Variants in SPATA16 observed in about 807,000 individuals in gnomAD.
SPATA16 encodes the protein spermatogenesis associated 16.
Under a neutral mutation model 63.3 loss-of-function variants are expected in SPATA16, and 36 were observed. The observed-to-expected ratio is 0.57, with a 90% CI of 0.44 to 0.75. SPATA16 has a LOEUF of 0.75. SPATA16 is among the 30% of genes least tolerant of loss of function. SPATA16 has a pLI of 0.00. For missense variants in SPATA16, 646 were observed against 679.3 expected, an observed-to-expected ratio of 0.95 and a Z score of 0.54; for synonymous variants, 203 against 216.7, an observed-to-expected ratio of 0.94 and a Z score of 0.56.
At chr3:173,068,709 A>G (rs140378975) in intron 2 of SPATA16, among the ~76,000 whole-genome samples, 227 of 152,266 alleles carry the variant, frequency 1.5e-3, no homozygotes, top group Non-Finnish European at 2.8e-3. Flanking sequence ...AGGGAAGTTT[A>G]TAGCAATAAA....
chr3:172,999,449 T>C (rs1171391335), intron 4 of SPATA16, among the ~76,000 whole-genome samples: 2 of 152,064 alleles, frequency 1.3e-5, no homozygotes, highest in African/African-American at 4.8e-5. Context: ...AGTCTCGCTC[T>C]TTCATCCAGG....
At chr3:173,075,503 A>G (rs1217373898) in intron 2 of SPATA16, among the ~76,000 whole-genome samples, 1 of 152,250 alleles carries the variant, frequency 6.6e-6, no homozygotes, top group Non-Finnish European at 1.5e-5. Flanking sequence ...TATTCACAAT[A>G]GCCAAGATAT....
intron 10 of SPATA16, among the ~76,000 whole-genome samples, chr3:172,900,112 T>G (rs951207504): frequency 1.3e-5 from 2 of 152,162 alleles, no homozygotes; most frequent in Admixed American, 6.5e-5. Flanking sequence ...TCTTTTTGGG[T>G]AGGTTTTCTG....
chr3:173,139,977 T>C (rs1738664149), intron 1 of SPATA16, among the ~76,000 whole-genome samples: 1 of 144,050 alleles, frequency 6.9e-6, no homozygotes. Flanking sequence ...AGAGCAAGAC[T>C]CTGTCTCAAA....
intron 2 of SPATA16, among the ~76,000 whole-genome samples, chr3:173,055,494 G>A (rs889601041): frequency 4.6e-5 from 7 of 152,114 alleles, no homozygotes; most frequent in Non-Finnish European, 7.4e-5. Context: ...AATCTCTAGG[G>A]AATATGCTGA....
chr3:173,023,137 A>ATGTGTGTGTGTG (rs11282206), intron 3 of SPATA16, among the ~76,000 whole-genome samples: 3 of 139,962 alleles, frequency 2.1e-5, no homozygotes, highest in East Asian at 2.1e-4. Flanking sequence ...ATGCTTGTGT[A>ATGTGTGTGTGTG]TGTGTGTGTG....
chr3:173,043,724 TTACAAGTTTCAATCTATTGCCATTTCC>T (rs1256643721), intron 3 of SPATA16, among the ~76,000 whole-genome samples: 9 of 152,160 alleles, frequency 5.9e-5, no homozygotes, highest in Admixed American at 5.2e-4. Context: ...TTGCCATTTC[TTACAAGTTTCAATCTATTGCCATTTCC>T]TACAAGTTTC....
At chr3:173,088,621 T>A (rs545687949) in intron 2 of SPATA16, among the ~76,000 whole-genome samples, 1 of 152,142 alleles carries the variant, frequency 6.6e-6, no homozygotes, top group African/African-American at 2.4e-5. Flanking sequence ...GATTTAGACA[T>A]GCTGGAAAAA....
intron 6 of SPATA16, among the ~76,000 whole-genome samples, chr3:172,929,421 T>G (rs1168806426): frequency 6.6e-6 from 1 of 152,220 alleles, no homozygotes; most frequent in Non-Finnish European, 1.5e-5. Context: ...CAGTTTTCCC[T>G]TCTTCAGAAA....
chr3:173,035,083 A>G (rs894921270), intron 3 of SPATA16, among the ~76,000 whole-genome samples: 1 of 152,124 alleles, frequency 6.6e-6, no homozygotes, highest in Non-Finnish European at 1.5e-5. Context: ...CATTTCTGTG[A>G]ATATAATGAC....
intron 2 of SPATA16, among the ~76,000 whole-genome samples, chr3:173,097,965 A>G (rs1288952254): frequency 6.6e-6 from 1 of 152,196 alleles, no homozygotes; most frequent in Non-Finnish European, 1.5e-5. Context: ...GGTACTATGT[A>G]GCAATGCTGC....
At chr3:172,947,357 G>A (rs1733316868) in intron 6 of SPATA16, among the ~76,000 whole-genome samples, 2 of 152,066 alleles carry the variant, frequency 1.3e-5, no homozygotes, top group Admixed American at 6.6e-5. Flanking sequence ...AACATCCAGG[G>A]AAACATGACC....
intron 2 of SPATA16, among the ~76,000 whole-genome samples, chr3:173,068,913 A>G (rs1210202265): frequency 6.6e-6 from 1 of 151,002 alleles, no homozygotes; most frequent in Non-Finnish European, 1.5e-5. Context: ...GATCGAGACC[A>G]TCCTGGCTAA....
chr3:172,904,848 C>A (rs1452045381), intron 10 of SPATA16, among the ~76,000 whole-genome samples: 1 of 152,156 alleles, frequency 6.6e-6, no homozygotes, highest in African/African-American at 2.4e-5. Context: ...ATGAGGTCCT[C>A]CCTTCCCGGG....
intron 8 of SPATA16, among the ~76,000 whole-genome samples, chr3:172,920,585 A>G (rs1371766102): frequency 7.9e-5 from 12 of 152,170 alleles, no homozygotes; most frequent in Non-Finnish European, 4.4e-5. Flanking sequence ...TTTTAGTTTA[A>G]TGGAGAAAAA....
intron 5 of SPATA16, among the ~76,000 whole-genome samples, chr3:172,961,075 T>TTCCC (rs1560080370): frequency 2.3e-5 from 3 of 129,842 alleles, no homozygotes; most frequent in African/African-American, 9.8e-5. Flanking sequence ...TCTTTCTTCC[T>TTCCC]TCCTTCCTTC....
intron 10 of SPATA16, among the ~76,000 whole-genome samples, chr3:172,893,359 G>A (rs1423028242): frequency 6.6e-6 from 1 of 152,138 alleles, no homozygotes; most frequent in Non-Finnish European, 1.5e-5. Context: ...CAGAGATTGG[G>A]GTGATGCCCC....
At chr3:173,059,371 C>A (rs7624980) in intron 2 of SPATA16, among the ~76,000 whole-genome samples, 2,804 of 145,868 alleles carry the variant, frequency 0.019, 107 homozygotes, top group African/African-American at 0.065. Flanking sequence ...TTCTCTTCAT[C>A]TCCAATGTGA....
chr3:173,023,389 G>A (rs1735381708), intron 3 of SPATA16, among the ~76,000 whole-genome samples: 1 of 151,978 alleles, frequency 6.6e-6, no homozygotes, highest in Non-Finnish European at 1.5e-5. Context: ...TTCTGTGACA[G>A]AAAATGCTCT....
Sources: allele counts gnomAD v4.1 joint callset (sites outside exome capture counted in the v4.1 genomes callset), GRCh38; gene constraint gnomAD v4.1.1; transcripts MANE v1.5; gene names NCBI Gene and HGNC (gene_info 2026-07-23, HGNC 2026-07-21).